Variants in ZNF845 observed in about 807,000 individuals in gnomAD.
ZNF845 encodes zinc finger protein 845.
ZNF845 carries 59 observed loss-of-function variants against 76.1 expected under a neutral mutation model. The observed-to-expected ratio is 0.78, with a 90% confidence interval of 0.63 to 0.96. The LOEUF (loss-of-function observed/expected upper bound fraction) is 0.96, where lower values mean the gene tolerates loss of function less well. Ranked by LOEUF, ZNF845 falls within the 40% of genes least tolerant of loss-of-function variation. ZNF845 has a pLI of 0.00. For synonymous variants in ZNF845, 361 were observed against 386.9 expected, an observed-to-expected ratio of 0.93 and a Z score of 0.78; for missense variants, 1,045 against 1,172.8, an observed-to-expected ratio of 0.89 and a Z score of 1.59.
rs187778372 is a variant in ZNF845 at position 53,339,055 on chromosome 19, G to A, written c.-73-2180G>A. Among the ~76,000 whole-genome samples, 27 of 152,230 alleles carry A rather than the reference G, an allele frequency of 1.8e-4. 1 individual carries two copies. The highest frequency in any genetic ancestry group is 4.3e-4 in the African/African-American group (18 of 41,546). On this transcript the variant is annotated intron_variant, in intron 1 of 3. Transcript: ENST00000458035. ...GCAGAGGTTGCAGTGAGCCGAGATC[G>A]CGCCATTGCACTACAGCATGGTGAC...
rs1010374112 is a variant in ZNF845 at position 53,355,285 on chromosome 19, G to C, written c.*1697G>C. 3 of 151,536 alleles carry C rather than the reference G, an allele frequency of 2.0e-5. No homozygotes were observed. The highest frequency in any genetic ancestry group is 7.3e-5 in the African/African-American group (3 of 41,186). The allele number at this position is 151,536 out of a possible 1,614,324, so 9.4% of individuals were successfully genotyped here. A position where few individuals can be genotyped will look rare whatever the true frequency, so the allele number is the denominator to read the frequency against. ...TTTTTTTGAGACAATGTCTCTCTCT[G>C]TCGCCAGGCTAGAGTGCCGTGGAAT... On this transcript the variant is annotated 3_prime_UTR_variant, in exon 4 of 4. Coordinates refer to ENST00000458035, the MANE Select transcript of ZNF845 (RefSeq NM_138374.3).
intron 2 of ZNF845, among the ~76,000 whole-genome samples, chr19:53,342,378 GA>G (rs2085262792): frequency 2.0e-5 from 3 of 152,038 alleles, no homozygotes; most frequent in Non-Finnish European, 4.4e-5. Flanking sequence ...CAGCCTCCCA[GA>G]GTGCTGGGAT....
chr19:53,350,319 A>G (rs1297139214), intron 3 of ZNF845, among the ~76,000 whole-genome samples: 6 of 152,080 alleles, frequency 3.9e-5, no homozygotes, highest in African/African-American at 1.2e-4. Context: ...ATGTTTTCTT[A>G]TCTTCTCAGT....
intron 1 of ZNF845, among the ~76,000 whole-genome samples, 175 bp downstream of exon 1, chr19:53,333,967 G>A (rs1419754919): frequency 1.3e-5 from 2 of 152,204 alleles, no homozygotes; most frequent in African/African-American, 4.8e-5. Context: ...GTTTAAAGTC[G>A]CCCTGAGGAT....
At chr19:53,338,714 A>G (rs979737707) in intron 1 of ZNF845, among the ~76,000 whole-genome samples, 5 of 101,462 alleles carry the variant, frequency 4.9e-5, no homozygotes, top group Admixed American at 9.2e-5. Context: ...ACACACACAC[A>G]CACACACGCA....
In ZNF845 at chr19:53,350,884, A is replaced by G; in HGVS notation, c.209A>G (p.His70Arg). ...GCACAAGGCAATACAGAAGTGATCC[A>G]CACAGGGACATTGCAAAGACATGAA... Reference protein sequence around the residue: ...STAQGNTEVIHTGTLQRHERH... With the variant: ...STAQGNTEVIRTGTLQRHERH... The change falls in exon 4 of 4, where the codon CAC becomes CGC. Residue 70 changes from histidine (H) to arginine (R), a missense_variant. Physicochemically the swap from His to Arg is conservative, Grantham distance 29. Transcript: ENST00000458035. 1.2e-6 allele frequency: 2 copies of G among 1,614,212 alleles called. No homozygotes were observed. Among genetic ancestry groups the G allele is most frequent in the South Asian group, 1.1e-5 (1 of 91,082 alleles).
At chr19:53,342,555 C>T (rs557594998) in intron 2 of ZNF845, among the ~76,000 whole-genome samples, 1 of 152,224 alleles carries the variant, frequency 6.6e-6, no homozygotes, top group Non-Finnish European at 1.5e-5. Flanking sequence ...GTCCTCCACC[C>T]TCCTTCCAGC....
At chr19:53,340,907 G>A (rs575736026) in intron 1 of ZNF845, 40 of 388,844 alleles carry the variant, frequency 1.0e-4, no homozygotes, top group Non-Finnish European at 1.6e-4. Context: ...GCTGGAACTC[G>A]CTGGCCCCTC....
At chr19:53,339,503 T>C (rs1354842809) in intron 1 of ZNF845, among the ~76,000 whole-genome samples, 1 of 152,216 alleles carries the variant, frequency 6.6e-6, no homozygotes, top group Non-Finnish European at 1.5e-5. Context: ...TGTTCTGTTC[T>C]GACACTCATT....
intron 1 of ZNF845, 59 bp from the exon 2 acceptor site, chr19:53,341,176 G>T (rs1269445835): frequency 2.0e-5 from 28 of 1,381,130 alleles, no homozygotes; most frequent in Non-Finnish European, 2.4e-5. Context: ...ATGTTTCATT[G>T]TGTTAACGGA....
intron 2 of ZNF845, among the ~76,000 whole-genome samples, chr19:53,342,447 G>C (rs2147034995): frequency 6.6e-6 from 1 of 152,218 alleles, no homozygotes; most frequent in African/African-American, 2.4e-5. Context: ...ATTTTTATAT[G>C]TAAACATCAC....
intron 3 of ZNF845, among the ~76,000 whole-genome samples, chr19:53,348,847 A>ATTTTTTTTTTTT (rs565694028): frequency 2.1e-5 from 2 of 96,600 alleles, no homozygotes; most frequent in African/African-American, 4.3e-5. Flanking sequence ...TTGTTAGTCA[A>ATTTTTTTTTTTT]TTTTTTTTTT....
intron 1 of ZNF845, among the ~76,000 whole-genome samples, chr19:53,334,158 C>G (rs952615388): frequency 6.6e-6 from 1 of 152,228 alleles, no homozygotes; most frequent in African/African-American, 2.4e-5. Context: ...CCCCCCACCT[C>G]CCTCCTCGTT....
chr19:53,338,869 A>AG (rs143166911), intron 1 of ZNF845, among the ~76,000 whole-genome samples: 4,108 of 151,514 alleles, frequency 0.027, 199 homozygotes, highest in African/African-American at 0.094. Flanking sequence ...TGATGAAGTC[A>AG]GGAGTTCGAG....
At chr19:53,336,633 C>CTTTCTTTTTTTTTTTTTTTT (rs1181749089) in intron 1 of ZNF845, among the ~76,000 whole-genome samples, 3 of 92,438 alleles carry the variant, frequency 3.2e-5, no homozygotes, top group African/African-American at 4.6e-5. Flanking sequence ...TTCTTTCTTT[C>CTTTCTTTTTTTTTTTTTTTT]TTTTTTTTTT....
intron 2 of ZNF845, among the ~76,000 whole-genome samples, chr19:53,342,814 T>G (rs1407161186): frequency 6.6e-6 from 1 of 152,102 alleles, no homozygotes. Context: ...CCAATAGTTA[T>G]TTATTTATTT....
At chr19:53,336,517 C>A (rs2085214653) in intron 1 of ZNF845, among the ~76,000 whole-genome samples, 1 of 151,798 alleles carries the variant, frequency 6.6e-6, no homozygotes, top group African/African-American at 2.4e-5. Context: ...CTCAAAAAAA[C>A]AAACACCACC....
In ZNF845 at chr19:53,352,746, T is replaced by G. The variant is rs1018404875; in HGVS notation, c.2071T>G (p.Tyr691Asp). 6.2e-7 allele frequency: 1 copy of G among 1,614,128 alleles called. No homozygotes were observed. Reference protein sequence around the residue: ...HRRLHTGEKPYKCNECGKTFG... With the variant: ...HRRLHTGEKPDKCNECGKTFG... ...TAGACTTCATACTGGAGAGAAACCT[T>G]ACAAGTGTAATGAGTGTGGCAAGAC... The change falls in exon 4 of 4, where the codon TAC becomes GAC. Residue 691 changes from tyrosine (Y) to aspartate (D), a missense_variant. Physicochemically the swap from Tyr to Asp is radical, Grantham distance 160. Transcript: ENST00000458035.
Position 53,356,264 on chromosome 19 carries a change from G to A in ZNF845, c.*2676G>A, listed in dbSNP as rs1205862905. ...CATCAAATTTACGATGAGACCAGAC[G>A]CAGTGGCTCAGGCCTGTAATCCCAG... On this transcript the variant is annotated 3_prime_UTR_variant, in exon 4 of 4. Transcript: ENST00000458035. The A allele has an allele frequency of 6.6e-6, 1 of 151,704 alleles. No homozygotes were observed. Among genetic ancestry groups the A allele is most frequent in the East Asian group, 1.9e-4 (1 of 5,190 alleles). The allele number at this position is 151,704 out of a possible 1,614,324, so 9.4% of individuals were successfully genotyped here. A position where few individuals can be genotyped will look rare whatever the true frequency, so the allele number is the denominator to read the frequency against.
Sources: allele counts gnomAD v4.1 joint callset (sites outside exome capture counted in the v4.1 genomes callset), GRCh38; gene constraint gnomAD v4.1.1; transcripts MANE v1.5; gene names NCBI Gene and HGNC (gene_info 2026-07-23, HGNC 2026-07-21).